Variants in FSD1L observed in about 807,000 individuals in gnomAD.
The protein encoded by FSD1L is fibronectin type III and SPRY domain containing 1 like.
FSD1L carries 45 observed loss-of-function variants against 71.6 expected under a neutral mutation model. The ratio of observed to expected loss-of-function variants is 0.63; its 90% confidence interval spans 0.49 to 0.81. The LOEUF (loss-of-function observed/expected upper bound fraction) is 0.81, where lower values mean the gene tolerates loss of function less well. FSD1L is among the 30% of genes least tolerant of loss of function. The probability of loss-of-function intolerance (pLI) is 0.00; values close to 1 mark genes in which losing one functional copy is unlikely to be tolerated. For synonymous variants in FSD1L, 197 were observed against 207.2 expected, an observed-to-expected ratio of 0.95 and a Z score of 0.42; for missense variants, 561 against 618.1, an observed-to-expected ratio of 0.91 and a Z score of 0.98.
At chr9:105,445,360 G>A (rs1829620307), upstream of FSD1L, among the ~76,000 whole-genome samples, 3 of 152,184 alleles carry the variant, frequency 2.0e-5, no homozygotes, top group African/African-American at 7.2e-5. Context: ...TGCTGGCTGG[G>A]CTACAGGGAA....
intron 9 of FSD1L, among the ~76,000 whole-genome samples, chr9:105,512,100 T>G (rs1834425056): frequency 6.6e-6 from 1 of 152,142 alleles, no homozygotes; most frequent in Admixed American, 6.5e-5. Context: ...AGCTTATACC[T>G]TGCTTCACTG....
At chr9:105,454,678 A>T (rs751373222) in intron 1 of FSD1L, among the ~76,000 whole-genome samples, 8 of 152,200 alleles carry the variant, frequency 5.3e-5, no homozygotes, top group Non-Finnish European at 7.3e-5. Flanking sequence ...AGGCCACTGC[A>T]CATGGTTAAG....
At chr9:105,531,445 T>C (rs1835889186) in intron 10 of FSD1L, among the ~76,000 whole-genome samples, 1 of 152,242 alleles carries the variant, frequency 6.6e-6, no homozygotes, top group Admixed American at 6.5e-5. Context: ...GTCATGATTG[T>C]TAATGGTAAG....
chr9:105,458,457 G>A (rs1473124758), intron 1 of FSD1L, among the ~76,000 whole-genome samples: 1 of 152,178 alleles, frequency 6.6e-6, no homozygotes, highest in Non-Finnish European at 1.5e-5. Flanking sequence ...TGGATGGTGA[G>A]CAAGGCAGTG....
At chr9:105,522,174 C>A (rs1226459940) in intron 10 of FSD1L, 2 of 1,613,984 alleles carry the variant, frequency 1.2e-6, no homozygotes, top group Non-Finnish European at 1.7e-6. Context: ...CTCCCGAGAA[C>A]TTTGGGATGA....
At chr9:105,526,306 C>T in intron 10 of FSD1L, 1 of 1,609,274 alleles carries the variant, frequency 6.2e-7, no homozygotes, top group Non-Finnish European at 8.5e-7. Flanking sequence ...TTTTGCAGCA[C>T]AGGTTTTTTC....
At chr9:105,523,242 T>C in intron 10 of FSD1L, 2 of 1,609,888 alleles carry the variant, frequency 1.2e-6, no homozygotes, top group Admixed American at 1.7e-5. Flanking sequence ...CTCACCTCTG[T>C]GCTCCAGGTC....
At chr9:105,515,561 C>T (rs1834660932) in intron 10 of FSD1L, among the ~76,000 whole-genome samples, 2 of 152,226 alleles carry the variant, frequency 1.3e-5, no homozygotes, top group South Asian at 4.1e-4. Flanking sequence ...AGTGTTGTCT[C>T]ACCCAGGAAG....
rs1837177679 is a variant in FSD1L at position 105,549,438 on chromosome 9, T to G, written c.*2955T>G. Reference sequence around the variant, plus strand: ...ATTAATAACTAATGCACACAGAAATTTAATATACAGCAATTCTTTGAATGT... The same window carrying G: ...ATTAATAACTAATGCACACAGAAATGTAATATACAGCAATTCTTTGAATGT... On this transcript the variant is annotated 3_prime_UTR_variant, in exon 14 of 14. Coordinates refer to ENST00000481272, the MANE Select transcript of FSD1L (RefSeq NM_001145313.3). 1 of 152,036 alleles carries G rather than the reference T, an allele frequency of 6.6e-6. No individual in the cohort carries two copies. Among genetic ancestry groups the G allele is most frequent in the Non-Finnish European group, 1.5e-5 (1 of 67,938 alleles). 9.4% of individuals were successfully genotyped at this position (152,036 alleles called of 1,614,324 possible). A position where few individuals can be genotyped will look rare whatever the true frequency, so the allele number is the denominator to read the frequency against.
At chr9:105,522,384 T>G in intron 10 of FSD1L, 1 of 1,614,046 alleles carries the variant, frequency 6.2e-7, no homozygotes, top group East Asian at 2.2e-5. Context: ...TCAGAAAGTT[T>G]CAGTTGACAA....
chr9:105,503,362 A>G (rs909885049), intron 7 of FSD1L, among the ~76,000 whole-genome samples: 2 of 152,202 alleles, frequency 1.3e-5, no homozygotes, highest in Non-Finnish European at 2.9e-5. Context: ...CATTATATGT[A>G]GTAATATTAG....
At chr9:105,453,308 C>G (rs908718111) in intron 1 of FSD1L, among the ~76,000 whole-genome samples, 1 of 151,740 alleles carries the variant, frequency 6.6e-6, no homozygotes, top group Non-Finnish European at 1.5e-5. Context: ...TCGCCTCCCT[C>G]GTAGCTGGGA....
At chr9:105,505,123 C>T (rs1297035419) in intron 7 of FSD1L, among the ~76,000 whole-genome samples, 1 of 152,210 alleles carries the variant, frequency 6.6e-6, no homozygotes, top group Non-Finnish European at 1.5e-5. Flanking sequence ...CTTATATCTA[C>T]CATTATATTA....
intron 10 of FSD1L, chr9:105,522,204 T>C: frequency 6.2e-7 from 1 of 1,614,028 alleles, no homozygotes; most frequent in East Asian, 2.2e-5. Context: ...AGTATTGTCA[T>C]CGTTGACCTA....
intron 10 of FSD1L, chr9:105,523,581 G>C (rs773095532): frequency 2.5e-6 from 4 of 1,611,668 alleles, no homozygotes; most frequent in Non-Finnish European, 3.4e-6. Context: ...CATTTCAGCT[G>C]ATAACCTGAC....
At chr9:105,475,499 C>G (rs1202407936) in intron 5 of FSD1L, among the ~76,000 whole-genome samples, 1 of 152,102 alleles carries the variant, frequency 6.6e-6, no homozygotes, top group East Asian at 1.9e-4. Context: ...GTACTTTCAT[C>G]AAGTAAGCAG....
At chr9:105,521,063 G>C in intron 10 of FSD1L, 1 of 1,613,242 alleles carries the variant, frequency 6.2e-7, no homozygotes, top group Admixed American at 1.7e-5. Context: ...TTGACATCCC[G>C]CAGATGAGAC....
chr9:105,510,776 C>T (rs376325373), intron 9 of FSD1L, among the ~76,000 whole-genome samples: 1 of 152,072 alleles, frequency 6.6e-6, no homozygotes, highest in Admixed American at 6.6e-5. Flanking sequence ...ATTACTAAAT[C>T]ACAAATTATT....
intron 1 of FSD1L, among the ~76,000 whole-genome samples, chr9:105,451,738 A>G (rs111724571): frequency 0.012 from 1,794 of 152,316 alleles, 51 homozygotes; most frequent in African/African-American, 0.041. Context: ...CTTTAAGATA[A>G]AATCCCAAAG....
Sources: gnomAD v4.1 joint callset for allele counts (sites outside exome capture counted in the v4.1 genomes callset) on GRCh38, gnomAD v4.1.1 for gene constraint, MANE v1.5 for transcripts, NCBI Gene and HGNC (gene_info 2026-07-23, HGNC 2026-07-21) for gene names.